The following EOGT variants were observed in gnomAD, a reference collection of about 807,000 sequenced individuals.
The protein encoded by EOGT is EGF domain-specific O-linked N-acetylglucosamine transferase.
Under a neutral mutation model 70.5 loss-of-function variants are expected in EOGT, and 55 were observed. The observed-to-expected ratio is 0.78, with a 90% confidence interval of 0.63 to 0.98. The LOEUF (loss-of-function observed/expected upper bound fraction) is 0.98. EOGT is among the 50% of genes least tolerant of loss of function. The pLI is 0.00. For synonymous variants in EOGT, 246 were observed against 217.1 expected, an observed-to-expected ratio of 1.13 and a Z score of -1.17; for missense variants, 703 against 641.9, an observed-to-expected ratio of 1.10 and a Z score of -1.03.
rs1298356200 is a variant in EOGT, at chr3:69,009,634, T to C, written c.210+3A>G. 2 of 1,606,130 alleles carry C rather than the reference T, an allele frequency of 1.2e-6. No individual in the cohort carries two copies. The highest frequency in any genetic ancestry group is 1.7e-6 in the Non-Finnish European group (2 of 1,173,108). ...AAATAAGGAGAAAAGAAATAATACC[T>C]ACCTTATATGGACAAAGAGAGTCTT... On this transcript the variant is annotated splice_donor_region_variant and intron_variant, in intron 4 of 17. Transcript: ENST00000383701.
intron 16 of EOGT, 26 bp from the exon 17 acceptor site, chr3:68,978,461 T>C (rs2107121296): frequency 2.0e-6 from 3 of 1,502,128 alleles, no homozygotes; most frequent in East Asian, 4.6e-5. Flanking sequence ...TGTCACAACA[T>C]GAGGCTTTTG....
At chr3:69,005,276 C>T (rs374655076) in intron 6 of EOGT, 42 bp from the exon 7 acceptor site, 11 of 1,161,912 alleles carry the variant, frequency 9.5e-6, no homozygotes, top group East Asian at 2.4e-5. Flanking sequence ...TGAGTATTAA[C>T]ACAGCAAAGA....
intron 15 of EOGT, among the ~76,000 whole-genome samples, chr3:68,982,419 C>CAG: frequency 6.6e-6 from 1 of 152,216 alleles, no homozygotes; most frequent in South Asian, 2.1e-4. Flanking sequence ...ACTCGGGAGG[C>CAG]AGAGGCAGGA....
intron 9 of EOGT, among the ~76,000 whole-genome samples, chr3:68,998,645 G>C: frequency 6.6e-6 from 1 of 151,986 alleles, no homozygotes; most frequent in African/African-American, 2.4e-5. Flanking sequence ...CTTGAGACCA[G>C]GAGTTTGAGA....
rs755377162 is a variant in EOGT at position 69,009,816 on chromosome 3, G to C, written c.31C>G (p.Leu11Val). Residue 11 changes from leucine (L) to valine (V), a missense_variant, in exon 4 of 18, where the codon CTT becomes GTT. Coordinates refer to ENST00000383701, the MANE Select transcript of EOGT (RefSeq NM_001278689.2). ...TGACCACTCAGTGAGACTTCATGAAGTAAGACTCCAAAGACAAACAACATT... is the reference window on the plus strand; with the variant it reads ...TGACCACTCAGTGAGACTTCATGAACTAAGACTCCAAAGACAAACAACATT... MLMLFVFGVL[L>V]HEVSLSGQNE... The C allele has an allele frequency of 2.5e-6, 4 of 1,610,626 alleles. No homozygotes were observed. In the South Asian group the frequency reaches 4.4e-5, roughly 18 times the overall value.
chr3:68,987,372 T>G, intron 14 of EOGT, 73 bp downstream of exon 14: 1 of 1,023,988 alleles, frequency 9.8e-7, no homozygotes, highest in Non-Finnish European at 1.4e-6. Context: ...TAACGTAATG[T>G]GAAAAAAAAA....
intron 8 of EOGT, among the ~76,000 whole-genome samples, chr3:69,002,799 G>T (rs549056570): frequency 1.3e-5 from 2 of 151,974 alleles, no homozygotes; most frequent in African/African-American, 4.8e-5. Context: ...GGATTACAGG[G>T]GCATGCCATC....
chr3:68,995,545 C>A (rs1483149972), intron 10 of EOGT, among the ~76,000 whole-genome samples: 19 of 152,120 alleles, frequency 1.2e-4, no homozygotes, highest in Non-Finnish European at 2.9e-5. Context: ...TTCATGGTGG[C>A]CGTGCATCCT....
At chr3:68,980,299 GTGATT>G (rs2090601913) in intron 15 of EOGT, among the ~76,000 whole-genome samples, 1 of 152,220 alleles carries the variant, frequency 6.6e-6, no homozygotes, top group Admixed American at 6.5e-5. Context: ...TTCTCCTTGT[GTGATT>G]TAAGTTTTTA....
chr3:68,990,501 C>G (rs780361650), intron 10 of EOGT, among the ~76,000 whole-genome samples: 1 of 151,950 alleles, frequency 6.6e-6, no homozygotes, highest in Non-Finnish European at 1.5e-5. Flanking sequence ...TACAGGCGCA[C>G]GCCACCACAC....
At chr3:69,005,061 C>CAAA (rs11320020) in intron 7 of EOGT, 79 bp downstream of exon 7, 28 of 665,178 alleles carry the variant, frequency 4.2e-5, no homozygotes, top group African/African-American at 3.1e-4. Flanking sequence ...GACCCTGTCT[C>CAAA]AAAAAAAAAA....
chr3:69,007,061 T>C (rs1242772627), intron 6 of EOGT, among the ~76,000 whole-genome samples: 6 of 152,234 alleles, frequency 3.9e-5, no homozygotes, highest in Non-Finnish European at 8.8e-5. Context: ...TCCCAAACTA[T>C]CTGAGAATGA....
At chr3:68,988,831 T>C (rs1254827194) in intron 11 of EOGT, 94 bp downstream of exon 11, 11 of 687,368 alleles carry the variant, frequency 1.6e-5, no homozygotes, top group Non-Finnish European at 2.4e-5. Context: ...TCAGTGGTAA[T>C]GGCTAATAGG....
chr3:68,996,858 G>GT (rs2091163219), intron 10 of EOGT, among the ~76,000 whole-genome samples: 1 of 152,202 alleles, frequency 6.6e-6, no homozygotes, highest in Non-Finnish European at 1.5e-5. Flanking sequence ...CAACTTCCCA[G>GT]TTTAGACAGC....
At chr3:69,004,049 G>A (rs1253790092) in intron 8 of EOGT, among the ~76,000 whole-genome samples, 1 of 152,096 alleles carries the variant, frequency 6.6e-6, no homozygotes, top group Non-Finnish European at 1.5e-5. Flanking sequence ...TGGCATGGAC[G>A]TTTGACCTCA....
At chr3:68,988,682 T>C (rs1424325275) in intron 11 of EOGT, 105 bp from the exon 12 acceptor site, 25 of 716,462 alleles carry the variant, frequency 3.5e-5, no homozygotes, top group South Asian at 2.9e-4. Flanking sequence ...CCATTTTGCA[T>C]TGCTTGAATA....
chr3:69,002,708 G>T (rs1021993302), intron 8 of EOGT, among the ~76,000 whole-genome samples: 11 of 151,422 alleles, frequency 7.3e-5, no homozygotes, highest in Middle Eastern at 3.4e-3. Context: ...AGGCTGGAGT[G>T]CAGTGGTGCA....
At position 68,978,362 on chromosome 3, in the gene EOGT, G is replaced by A. The variant is rs541573152; in HGVS notation, c.1408C>T (p.Arg470Trp). The A allele has an allele frequency of 2.6e-5, 42 of 1,612,464 alleles. No homozygotes were observed. Among genetic ancestry groups the A allele is most frequent in the Admixed American group, 1.2e-4 (7 of 59,668 alleles). Residue 470 changes from arginine to tryptophan, a missense_variant, in exon 17 of 18, where the codon CGG (arginine) becomes TGG (tryptophan). By Grantham distance (101) the Arg-to-Trp change is moderately radical. Coordinates refer to ENST00000383701, the MANE Select transcript of EOGT (RefSeq NM_001278689.2). ...LRGVHYITWRRQNKVFPQDKG... is the reference protein window; with the variant it reads ...LRGVHYITWRWQNKVFPQDKG... ...TCCTGAGGAAAGACTTTGTTCTGCC[G>A]TCGCCAAGTGATGTAGTGAACGCCT...
intron 10 of EOGT, among the ~76,000 whole-genome samples, chr3:68,990,341 C>T (rs2090955008): frequency 6.9e-6 from 1 of 144,856 alleles, no homozygotes; most frequent in African/African-American, 2.5e-5. Context: ...AGTATAATTA[C>T]CACATGCTTT....
Sources: gnomAD v4.1 joint callset for allele counts (sites outside exome capture counted in the v4.1 genomes callset) on GRCh38, gnomAD v4.1.1 for gene constraint, MANE v1.5 for transcripts, NCBI Gene and HGNC (gene_info 2026-07-23, HGNC 2026-07-21) for gene names.